The following FRMD4B variants were observed in gnomAD, a reference collection of about 807,000 sequenced individuals.
FRMD4B encodes FERM domain containing 4B, also known as FERM domain-containing protein 4B.
FRMD4B carries 74 observed loss-of-function variants against 141.5 expected under a neutral mutation model. That is an observed-to-expected ratio of 0.52 (90% CI 0.43 to 0.63). The LOEUF (loss-of-function observed/expected upper bound fraction) is 0.63. Among genes scored for constraint, FRMD4B ranks in the 30% least tolerant of loss-of-function variants. The pLI, the probability that FRMD4B is intolerant of heterozygous loss-of-function variation, is 0.00. For synonymous variants in FRMD4B, 506 were observed against 467.9 expected (o/e 1.08, Z -1.05); for missense variants, 1,366 against 1,253.4 (o/e 1.09, Z -1.36).
At position 69,171,935 on chromosome 3, in the gene FRMD4B, G is replaced by A. The variant is rs773047886; in HGVS notation, c.3031C>T (p.Leu1011=). The change falls in exon 23 of 23, where the codon CTG becomes TTG. Residue 1011 remains leucine, a synonymous_variant. Transcript: ENST00000398540. ...SQLDGTDGNQ[L]EDNLESSEQR... ...TCACTACTCTCCAGGTTGTCTTCCA[G>A]CTGGTTTCCATCTGTACCATCCAGT... The A allele has an allele frequency of 1.9e-6, 3 of 1,612,000 alleles. No individual in the cohort carries two copies. The highest frequency in any genetic ancestry group is 2.5e-6 in the Non-Finnish European group (3 of 1,178,026).
chr3:69,407,983 A>T lies in FRMD4B; in HGVS notation c.-1+24651T>A, dbSNP rs576716909. ...TCTGTGGCGTTTACTGACCTAGGTC[A>T]TCCGGCTCAGCACACTTTTTAAAAA... is the stretch of plus-strand genomic sequence containing the variant. On this transcript the variant is annotated intron_variant, in intron 2 of 5. Transcript: ENST00000459638. Among the ~76,000 whole-genome samples the T allele has an allele frequency of 1.7e-4, 26 of 152,322 alleles. 1 individual carries two copies. The South Asian group carries it at 5.2e-3, about 30-fold the overall frequency.
At chr3:69,332,362 C>G (rs1702397096) in intron 1 of FRMD4B, among the ~76,000 whole-genome samples, 1 of 152,120 alleles carries the variant, frequency 6.6e-6, no homozygotes, top group Non-Finnish European at 1.5e-5. Context: ...CTCAATGTGC[C>G]AGAAATGTCA....
Position 69,193,752 on chromosome 3 carries a change from T to C in FRMD4B, c.1610A>G (p.Asp537Gly), listed in dbSNP as rs773085991. The C allele has an allele frequency of 1.2e-6, 2 of 1,613,696 alleles. No homozygotes were observed. Among genetic ancestry groups the C allele is most frequent in the Non-Finnish European group, 1.7e-6 (2 of 1,179,582 alleles). The change falls in exon 17 of 23, where the codon GAT (aspartate) becomes GGT (glycine). Residue 537 changes from aspartate to glycine, a missense_variant. Physicochemically the swap from Asp to Gly is moderately conservative, Grantham distance 94. Coordinates refer to ENST00000398540, the MANE Select transcript of FRMD4B (RefSeq NM_015123.3). ...CKTVKKKRKQ[D>G]YTDAMKKLQE... is the part of the protein sequence containing the mutation. ...AAGCTTTTTCATCGCATCTGTGTAA[T>C]CTTGCTTTCGCTTTTTCTTCACAGT...
chr3:69,363,293 C>T (rs1177817960), intron 1 of FRMD4B, among the ~76,000 whole-genome samples: 2 of 143,710 alleles, frequency 1.4e-5, no homozygotes, highest in East Asian at 4.0e-4. Flanking sequence ...CCATGTTGCC[C>T]GGGCTGGTCT....
intron 1 of FRMD4B, among the ~76,000 whole-genome samples, chr3:69,452,191 T>C (rs146763574): frequency 4.6e-5 from 7 of 152,360 alleles, no homozygotes; most frequent in African/African-American, 1.7e-4. Context: ...GCAACAGTGA[T>C]CGGAAGAGAA....
intron 2 of FRMD4B, among the ~76,000 whole-genome samples, chr3:69,430,554 C>T (rs1481650499): frequency 6.6e-6 from 1 of 152,158 alleles, no homozygotes; most frequent in South Asian, 2.1e-4. Flanking sequence ...CTGAGTACCT[C>T]GTATATGGCA....
chr3:69,350,269 A>G (rs1009773186), intron 1 of FRMD4B, among the ~76,000 whole-genome samples: 32 of 152,188 alleles, frequency 2.1e-4, no homozygotes, highest in Non-Finnish European at 4.0e-4. Context: ...CAAAATCACA[A>G]TGAGATACCA....
chr3:69,475,890 T>C (rs1201705754), intron 1 of FRMD4B, among the ~76,000 whole-genome samples: 1 of 151,874 alleles, frequency 6.6e-6, no homozygotes, highest in Non-Finnish European at 1.5e-5. Context: ...TTTTTAATGA[T>C]TGCCATTCTA....
chr3:69,320,447 G>C (rs1258927821), intron 1 of FRMD4B, among the ~76,000 whole-genome samples: 1 of 152,050 alleles, frequency 6.6e-6, no homozygotes, highest in Non-Finnish European at 1.5e-5. Flanking sequence ...TAAGAAATTA[G>C]CCGGGCATTG....
intron 11 of FRMD4B, among the ~76,000 whole-genome samples, chr3:69,206,117 C>T (rs186253563): frequency 1.3e-5 from 2 of 151,992 alleles, no homozygotes; most frequent in East Asian, 1.9e-4. Context: ...TTTGGGAGGC[C>T]GGGGTGGGTG....
At chr3:69,489,717 A>T (rs1246478074) in intron 1 of FRMD4B, among the ~76,000 whole-genome samples, 1 of 152,234 alleles carries the variant, frequency 6.6e-6, no homozygotes, top group Non-Finnish European at 1.5e-5. Flanking sequence ...TATAGCCCAG[A>T]ATTCTATTCC....
chr3:69,344,803 G>A (rs754789107), intron 1 of FRMD4B, among the ~76,000 whole-genome samples: 3 of 152,180 alleles, frequency 2.0e-5, no homozygotes. Flanking sequence ...TACAACGTCT[G>A]CAGAATTGTT....
chr3:69,192,247 G>A lies in FRMD4B; in HGVS notation c.1714+1401C>T, dbSNP rs115961582. Reference sequence around the variant, plus strand: ...AAACATTAGCCAGGCATGGTGGTGCGTGCCTATAGTCCCAGCTGCTAGGGA... The same window carrying A: ...AAACATTAGCCAGGCATGGTGGTGCATGCCTATAGTCCCAGCTGCTAGGGA... On this transcript the variant is annotated intron_variant, in intron 17 of 22. Transcript: ENST00000398540. Among the ~76,000 whole-genome samples the A allele has an allele frequency of 4.6e-3, 701 of 151,898 alleles. 9 individuals carry two copies. Among genetic ancestry groups the A allele is most frequent in the African/African-American group, 0.016 (674 of 41,444 alleles).
At chr3:69,490,031 A>T (rs1706276997) in intron 1 of FRMD4B, among the ~76,000 whole-genome samples, 1 of 152,196 alleles carries the variant, frequency 6.6e-6, no homozygotes, top group African/African-American at 2.4e-5. Context: ...ATCCAGGGAG[A>T]TAGAACGTGG....
chr3:69,295,325 G>A (rs1701002414), intron 4 of FRMD4B, among the ~76,000 whole-genome samples: 1 of 152,158 alleles, frequency 6.6e-6, no homozygotes, highest in Admixed American at 6.6e-5. Flanking sequence ...CTTGGGGAGT[G>A]TTATTGTTTA....
At chr3:69,377,827 T>C (rs933657501) in intron 1 of FRMD4B, among the ~76,000 whole-genome samples, 66 of 152,056 alleles carry the variant, frequency 4.3e-4, no homozygotes, top group South Asian at 1.5e-3. Context: ...TTTTTTTTTT[T>C]TGAAACAGAG....
At chr3:69,195,984 T>C (rs1206768976) in intron 14 of FRMD4B, among the ~76,000 whole-genome samples, 4 of 152,168 alleles carry the variant, frequency 2.6e-5, no homozygotes, top group Non-Finnish European at 4.4e-5. Flanking sequence ...AAAAAGCAGC[T>C]GCTGTGGAAA....
At chr3:69,198,671 A>C (rs1224181889) in intron 12 of FRMD4B, 27 bp downstream of exon 12, 2 of 1,179,104 alleles carry the variant, frequency 1.7e-6, no homozygotes, top group East Asian at 4.9e-5. Flanking sequence ...TAACTGTGTC[A>C]TACAGAGAAA....
intron 1 of FRMD4B, among the ~76,000 whole-genome samples, chr3:69,443,376 C>A (rs2106868663): frequency 6.6e-6 from 1 of 152,320 alleles, no homozygotes; most frequent in East Asian, 1.9e-4. Flanking sequence ...ATATATACAT[C>A]TCCATCTGGC....
Sources: gnomAD v4.1 joint callset for allele counts (sites outside exome capture counted in the v4.1 genomes callset) on GRCh38, gnomAD v4.1.1 for gene constraint, MANE v1.5 for transcripts, NCBI Gene and HGNC (gene_info 2026-07-23, HGNC 2026-07-21) for gene names.